GRIN2A: variants seen among roughly 807,000 people sequenced by gnomAD.
The protein encoded by GRIN2A is glutamate receptor ionotropic, NMDA 2A.
GRIN2A carries 22 observed loss-of-function variants against 113.4 expected under a neutral mutation model. That is an observed-to-expected ratio of 0.19 (90% CI 0.14 to 0.28). The LOEUF is 0.28. GRIN2A is among the 10% of genes least tolerant of loss of function. GRIN2A has a pLI of 1.00. For missense variants in GRIN2A, 1,502 were observed against 1,887.0 expected, an observed-to-expected ratio of 0.80 and a Z score of 3.78; for synonymous variants, 827 against 738.4, an observed-to-expected ratio of 1.12 and a Z score of -1.94.
intron 2 of GRIN2A, among the ~76,000 whole-genome samples, chr16:10,078,388 G>A (rs1484187129): frequency 6.6e-6 from 1 of 151,930 alleles, no homozygotes; most frequent in Non-Finnish European, 1.5e-5. Context: ...TGAGACTCAG[G>A]AGCCACACAT....
chr16:10,179,777 C>A, intron 2 of GRIN2A: 1 of 594,280 alleles, frequency 1.7e-6, no homozygotes, highest in Non-Finnish European at 3.0e-6. Flanking sequence ...CAAAGTGCTC[C>A]TGTGTACACC....
intron 2 of GRIN2A, among the ~76,000 whole-genome samples, chr16:10,030,983 C>G (rs2046918111): frequency 6.6e-6 from 1 of 152,286 alleles, no homozygotes; most frequent in East Asian, 1.9e-4. Context: ...CTCTGCCATA[C>G]TGGCTGCTGA....
chr16:10,130,426 C>T (rs1312862707), intron 2 of GRIN2A, among the ~76,000 whole-genome samples: 2 of 152,224 alleles, frequency 1.3e-5, no homozygotes, highest in Non-Finnish European at 2.9e-5. Flanking sequence ...AAAAGGGCAT[C>T]TGTGCCTTTG....
intron 7 of GRIN2A, 83 bp from the exon 8 acceptor site, chr16:9,834,313 C>T (rs1596476781): frequency 2.3e-6 from 3 of 1,277,856 alleles, no homozygotes; most frequent in East Asian, 2.3e-5. Context: ...CATCCATTTG[C>T]AGGCTCGCCA....
intron 2 of GRIN2A, among the ~76,000 whole-genome samples, chr16:10,008,971 C>G (rs565028600): frequency 7.2e-5 from 11 of 152,290 alleles, no homozygotes; most frequent in African/African-American, 2.2e-4. Flanking sequence ...GTAAACAAAA[C>G]AAGCCCTGGC....
chr16:10,133,540 G>A lies in GRIN2A; in HGVS notation c.414+46458C>T, dbSNP rs1252261038. Among the ~76,000 whole-genome samples the A allele has an allele frequency of 2.0e-5, 3 of 152,212 alleles. No individual in the cohort carries two copies. In the East Asian group the frequency reaches 5.8e-4, roughly 29 times the overall value. ...GAGAAGCGCTTGAACCCGGGAGGTG[G>A]AGGTTGCAGTGAGCCAATATCATGC... On this transcript the variant is annotated intron_variant, in intron 2 of 12. Coordinates refer to ENST00000330684, the MANE Select transcript of GRIN2A (RefSeq NM_001134407.3).
chr16:10,173,038 G>A (rs999836087), intron 2 of GRIN2A, among the ~76,000 whole-genome samples: 2 of 152,152 alleles, frequency 1.3e-5, no homozygotes, highest in Non-Finnish European at 2.9e-5. Flanking sequence ...CAGCTCTTCA[G>A]GGCCCAAACG....
intron 2 of GRIN2A, among the ~76,000 whole-genome samples, chr16:10,166,089 A>T (rs2049916171): frequency 6.6e-6 from 1 of 152,142 alleles, no homozygotes; most frequent in African/African-American, 2.4e-5. Flanking sequence ...TCCTACAGAT[A>T]TCTTAGCATT....
chr16:9,994,825 G>C (rs1268109956), intron 2 of GRIN2A, among the ~76,000 whole-genome samples: 1 of 152,188 alleles, frequency 6.6e-6, no homozygotes, highest in Non-Finnish European at 1.5e-5. Flanking sequence ...AGTGTCTCCT[G>C]TTGCTATGGT....
intron 7 of GRIN2A, among the ~76,000 whole-genome samples, chr16:9,839,505 T>C (rs1300330063): frequency 2.0e-5 from 3 of 152,226 alleles, no homozygotes; most frequent in African/African-American, 4.8e-5. Context: ...TTCGATTAAT[T>C]TTAAATCAGC....
intron 11 of GRIN2A, among the ~76,000 whole-genome samples, chr16:9,776,702 G>A (rs888329263): frequency 2.6e-5 from 4 of 151,910 alleles, no homozygotes; most frequent in African/African-American, 4.8e-5. Flanking sequence ...GATCTCATTC[G>A]GGTTCGCTGT....
intron 3 of GRIN2A, among the ~76,000 whole-genome samples, chr16:9,896,609 G>C (rs975800197): frequency 6.6e-6 from 1 of 152,080 alleles, no homozygotes; most frequent in Non-Finnish European, 1.5e-5. Flanking sequence ...TCAATATTCT[G>C]GGTGAATGAC....
At chr16:9,903,438 T>A (rs1428478534) in intron 3 of GRIN2A, among the ~76,000 whole-genome samples, 2 of 152,326 alleles carry the variant, frequency 1.3e-5, no homozygotes, top group Middle Eastern at 3.4e-3. Context: ...GAGCACAGCA[T>A]GTTCACCATT....
At chr16:10,056,243 A>C (rs1189849753) in intron 2 of GRIN2A, among the ~76,000 whole-genome samples, 1 of 152,170 alleles carries the variant, frequency 6.6e-6, no homozygotes. Context: ...ATATCCAAGC[A>C]ACCAACCATT....
At chr16:9,862,175 C>G (rs535024081) in intron 4 of GRIN2A, among the ~76,000 whole-genome samples, 1 of 152,328 alleles carries the variant, frequency 6.6e-6, no homozygotes, top group South Asian at 2.1e-4. Context: ...AGATGGAAAT[C>G]TTTCTTCTTG....
At chr16:10,054,387 G>T (rs373215383) in intron 2 of GRIN2A, among the ~76,000 whole-genome samples, 1 of 152,132 alleles carries the variant, frequency 6.6e-6, no homozygotes, top group African/African-American at 2.4e-5. Flanking sequence ...AAATGAACAG[G>T]ACTAATACAA....
rs537405887 is a variant in GRIN2A, at chr16:10,026,315, G to A, written c.415-87764C>T. ...GAGTAATAAAAAGTAGCTTCCTCAT[G>A]GTATTATTGTGAAAAATAAAATAAA... On this transcript the variant is annotated intron_variant, in intron 2 of 12. Coordinates refer to ENST00000330684, the MANE Select transcript of GRIN2A (RefSeq NM_001134407.3). 3.3e-5 allele frequency among the ~76,000 whole-genome samples: 5 copies of A among 152,104 alleles called. No homozygotes were observed. The South Asian group carries it at 8.3e-4, about 25-fold the overall frequency.
rs137914613 is a variant in GRIN2A, at chr16:10,013,960, G to A, written c.415-75409C>T. Among the ~76,000 whole-genome samples the A allele has an allele frequency of 1.5e-3, 228 of 152,296 alleles. 3 individuals are homozygous for A. Among genetic ancestry groups the A allele is most frequent in the African/African-American group, 5.4e-3 (223 of 41,560 alleles). On this transcript the variant is annotated intron_variant, in intron 2 of 12. Coordinates refer to ENST00000330684, the MANE Select transcript of GRIN2A (RefSeq NM_001134407.3). Reference sequence around the variant, plus strand: ...CGTCTCAGACCAGCTACCAGTCTGGGTCAAGCTCCTCTGTTGAATGATATT... The same window carrying A: ...CGTCTCAGACCAGCTACCAGTCTGGATCAAGCTCCTCTGTTGAATGATATT...
chr16:10,052,520 A>G (rs2047376218), intron 2 of GRIN2A, among the ~76,000 whole-genome samples: 1 of 152,238 alleles, frequency 6.6e-6, no homozygotes, highest in Admixed American at 6.5e-5. Context: ...CCCAGGGGAC[A>G]TGAATGATGC....
Sources: allele counts gnomAD v4.1 joint callset (sites outside exome capture counted in the v4.1 genomes callset), GRCh38; gene constraint gnomAD v4.1.1; transcripts MANE v1.5; gene names NCBI Gene and HGNC (gene_info 2026-07-23, HGNC 2026-07-21).